PDZRN4: variants seen among roughly 807,000 people sequenced by gnomAD.
PDZRN4 encodes PDZ domain-containing RING finger protein 4.
PDZRN4 carries 70 observed loss-of-function variants against 99.0 expected under a neutral mutation model. The ratio of observed to expected loss-of-function variants is 0.71; its 90% CI spans 0.58 to 0.86. The LOEUF (loss-of-function observed/expected upper bound fraction) is 0.86. Among genes scored for constraint, PDZRN4 ranks in the 40% least tolerant of loss-of-function variants. The pLI is 0.00. For synonymous variants in PDZRN4, 551 were observed against 501.6 expected (o/e 1.10, Z -1.32); for missense variants, 1,474 against 1,331.2 (o/e 1.11, Z -1.67).
intron 3 of PDZRN4, among the ~76,000 whole-genome samples, chr12:41,329,850 G>A (rs1400443871): frequency 1.3e-5 from 2 of 151,918 alleles, no homozygotes; most frequent in East Asian, 3.9e-4. Context: ...CATCATTCAA[G>A]CCAAGTACTG....
At chr12:41,409,561 C>T (rs1165307494) in intron 3 of PDZRN4, 1 of 152,108 alleles carries the variant, frequency 6.6e-6, no homozygotes, top group Non-Finnish European at 1.5e-5. Context: ...TTATTTAACA[C>T]TTTATAAATG....
intron 5 of PDZRN4, among the ~76,000 whole-genome samples, chr12:41,545,751 G>T (rs1371094377): frequency 6.6e-6 from 1 of 152,026 alleles, no homozygotes; most frequent in African/African-American, 2.4e-5. Flanking sequence ...ACGTACAAAT[G>T]CATGTGGATT....
intron 3 of PDZRN4, among the ~76,000 whole-genome samples, chr12:41,204,466 G>A (rs1374744896): frequency 6.6e-6 from 1 of 151,986 alleles, no homozygotes; most frequent in Non-Finnish European, 1.5e-5. Context: ...AGGCCAGTTT[G>A]GAGCCTGTAT....
At chr12:41,424,500 A>G (rs1209899054) in intron 3 of PDZRN4, among the ~76,000 whole-genome samples, 1 of 152,178 alleles carries the variant, frequency 6.6e-6, no homozygotes, top group African/African-American at 2.4e-5. Context: ...ATATGTCTTT[A>G]CACAAAATTG....
At position 41,464,129 on chromosome 12, in the gene PDZRN4, C is replaced by G. The variant is rs553059093; in HGVS notation, c.844-42327C>G. The stretch of plus-strand genomic sequence containing the variant: ...GCTTTGTCCTCCACACTCTATAACA[C>G]CAGCCATGTTCAACCAGAATAGTCA... On this transcript the variant is annotated intron_variant, in intron 3 of 9. Coordinates refer to ENST00000402685, the MANE Select transcript of PDZRN4 (RefSeq NM_001164595.2). Among the ~76,000 whole-genome samples, 98 of 152,256 alleles carry G rather than the reference C, an allele frequency of 6.4e-4. 2 individuals are homozygous for G. Among genetic ancestry groups the G allele is most frequent in the African/African-American group, 2.3e-3 (97 of 41,552 alleles).
At chr12:41,196,405 T>C (rs1161462184) in intron 3 of PDZRN4, among the ~76,000 whole-genome samples, 2 of 152,114 alleles carry the variant, frequency 1.3e-5, no homozygotes, top group Non-Finnish European at 2.9e-5. Flanking sequence ...GCTATAGTTG[T>C]AGAATGGATC....
At chr12:41,216,798 A>G (rs116909603) in intron 3 of PDZRN4, among the ~76,000 whole-genome samples, 1 of 152,054 alleles carries the variant, frequency 6.6e-6, no homozygotes, top group East Asian at 1.9e-4. Flanking sequence ...TTTTTTTAGG[A>G]AATATGGAAT....
intron 3 of PDZRN4, among the ~76,000 whole-genome samples, chr12:41,263,285 G>C (rs1431687296): frequency 6.6e-6 from 1 of 152,178 alleles, no homozygotes; most frequent in African/African-American, 2.4e-5. Flanking sequence ...GGGCGCGGTT[G>C]CTCATGCCTG....
intron 3 of PDZRN4, among the ~76,000 whole-genome samples, chr12:41,432,175 G>T (rs10880075): frequency 6.6e-6 from 1 of 151,942 alleles, no homozygotes; most frequent in Non-Finnish European, 1.5e-5. Flanking sequence ...GAATTTAAAC[G>T]TACAGATAGT....
chr12:41,487,554 T>G (rs1182290981), intron 3 of PDZRN4, among the ~76,000 whole-genome samples: 1 of 152,196 alleles, frequency 6.6e-6, no homozygotes, highest in Non-Finnish European at 1.5e-5. Flanking sequence ...AAGTGTTCAA[T>G]ATTGAGAACT....
intron 5 of PDZRN4, among the ~76,000 whole-genome samples, chr12:41,547,864 A>G (rs914441740): frequency 6.6e-6 from 1 of 152,178 alleles, no homozygotes; most frequent in Non-Finnish European, 1.5e-5. Context: ...GGGGATTCAC[A>G]GCCCACAGTG....
intron 3 of PDZRN4, among the ~76,000 whole-genome samples, chr12:41,401,311 A>G (rs1952287188): frequency 6.6e-6 from 1 of 152,214 alleles, no homozygotes; most frequent in Non-Finnish European, 1.5e-5. Flanking sequence ...AAGCTATTTA[A>G]AACTGAAAGT....
intron 3 of PDZRN4, among the ~76,000 whole-genome samples, chr12:41,290,714 C>T (rs943259394): frequency 3.3e-5 from 5 of 151,990 alleles, no homozygotes; most frequent in Non-Finnish European, 5.9e-5. Context: ...TATATTTACC[C>T]TACTCTCAGA....
chr12:41,427,823 C>T (rs776142054), intron 3 of PDZRN4, among the ~76,000 whole-genome samples: 28 of 152,070 alleles, frequency 1.8e-4, no homozygotes, highest in Admixed American at 2.6e-4. Context: ...GACCACCTGG[C>T]GCAGACCTGT....
chr12:41,541,991 A>G (rs779918642), intron 5 of PDZRN4, among the ~76,000 whole-genome samples: 2 of 152,222 alleles, frequency 1.3e-5, no homozygotes, highest in Non-Finnish European at 2.9e-5. Flanking sequence ...GTATCTCTTT[A>G]GCTGACTTCC....
chr12:41,196,374 A>G (rs902003842), intron 3 of PDZRN4, among the ~76,000 whole-genome samples: 1 of 152,114 alleles, frequency 6.6e-6, no homozygotes, highest in Admixed American at 6.6e-5. Flanking sequence ...ATACCAGGGT[A>G]CATTGATTTT....
At chr12:41,397,483 A>C (rs1304452270) in intron 3 of PDZRN4, among the ~76,000 whole-genome samples, 2 of 152,182 alleles carry the variant, frequency 1.3e-5, no homozygotes, top group African/African-American at 2.4e-5. Flanking sequence ...ACCCTTATTA[A>C]CTTGCACTAA....
At chr12:41,375,988 T>C (rs1186100551) in intron 3 of PDZRN4, among the ~76,000 whole-genome samples, 1 of 152,194 alleles carries the variant, frequency 6.6e-6, no homozygotes, top group Non-Finnish European at 1.5e-5. Flanking sequence ...AGCAGGATTA[T>C]ACATCATTTG....
At chr12:41,531,413 C>G (rs1938659050) in intron 5 of PDZRN4, among the ~76,000 whole-genome samples, 1 of 152,178 alleles carries the variant, frequency 6.6e-6, no homozygotes, top group Admixed American at 6.5e-5. Flanking sequence ...TGTTCCTCCT[C>G]CGATGTGTTT....
Sources: allele counts gnomAD v4.1 joint callset (sites outside exome capture counted in the v4.1 genomes callset), GRCh38; gene constraint gnomAD v4.1.1; transcripts MANE v1.5; gene names NCBI Gene and HGNC (gene_info 2026-07-23, HGNC 2026-07-21).